ILDR2: variants seen among roughly 807,000 people sequenced by gnomAD.
ILDR2 encodes the protein immunoglobulin-like domain-containing receptor 2.
In ILDR2, 25 loss-of-function variants were observed where a neutral mutation model predicts 66.8. The observed-to-expected ratio is 0.37, with a 90% CI of 0.27 to 0.52. The LOEUF is 0.52. Among genes scored for constraint, ILDR2 ranks in the 20% least tolerant of loss-of-function variants. ILDR2 has a pLI of 0.88. For missense variants in ILDR2, 827 were observed against 876.8 expected (o/e 0.94, Z 0.72); for synonymous variants, 367 against 357.2 (o/e 1.03, Z -0.31).
At chr1:166,958,394 G>T (rs1426734639) in intron 1 of ILDR2, among the ~76,000 whole-genome samples, 3 of 152,048 alleles carry the variant, frequency 2.0e-5, no homozygotes, top group Non-Finnish European at 2.9e-5. Context: ...TCGTGGTAGG[G>T]AGTGAGTTCT....
At chr1:166,904,559 A>G (rs898532945), downstream of ILDR2, among the ~76,000 whole-genome samples, 5 of 152,224 alleles carry the variant, frequency 3.3e-5, no homozygotes, top group Non-Finnish European at 5.9e-5. Flanking sequence ...GGAGATCTGG[A>G]TGCTAGCTCC....
Position 166,909,757 on chromosome 1 carries a change from ATAAATATATATAAATATATATATT to A in ILDR2, c.*9574_*9597del, listed in dbSNP as rs1229660436. ...CATACATATATATATATATATATAT[ATAAATATATATAAATATATATATT>A]TATATATATATATATATATATATAT... is the stretch of plus-strand genomic sequence containing the variant. On this transcript the variant is annotated 3_prime_UTR_variant, in exon 10 of 10. Transcript: ENST00000271417. The A allele has an allele frequency of 5.3e-3, 398 of 75,564 alleles. 2 individuals carry two copies. Among genetic ancestry groups the A allele is most frequent in the African/African-American group, 0.025 (378 of 15,420 alleles). 4.7% of individuals were successfully genotyped at this position (75,564 alleles called of 1,614,324 possible).
downstream of ILDR2, among the ~76,000 whole-genome samples, chr1:166,903,595 C>CA (rs1222216328): frequency 1.3e-5 from 2 of 151,992 alleles, no homozygotes; most frequent in African/African-American, 4.8e-5. Flanking sequence ...TTTCTAAGGA[C>CA]AAAAAAGAGA....
downstream of ILDR2, among the ~76,000 whole-genome samples, chr1:166,905,421 A>C (rs2101814623): frequency 6.6e-6 from 1 of 152,292 alleles, no homozygotes; most frequent in African/African-American, 2.4e-5. Flanking sequence ...TAACATTTAA[A>C]TTTTCTGCCT....
chr1:166,929,495 A>G (rs1660503784), intron 6 of ILDR2, among the ~76,000 whole-genome samples: 1 of 152,204 alleles, frequency 6.6e-6, no homozygotes, highest in African/African-American at 2.4e-5. Flanking sequence ...ATGTGCCTAA[A>G]ACCATGCTTT....
At position 166,909,780 on chromosome 1, in the gene ILDR2, TTTA is replaced by T. The variant is rs1659432822; in HGVS notation, c.*9572_*9574del. 2 of 39,100 alleles carry T rather than the reference TTTA, an allele frequency of 5.1e-5. No individual in the cohort carries two copies. The highest frequency in any genetic ancestry group is 8.9e-4 in the East Asian group (1 of 1,122). 2.4% of individuals were successfully genotyped at this position (39,100 alleles called of 1,614,324 possible). A position where few individuals can be genotyped will look rare whatever the true frequency, so the allele number is the denominator to read the frequency against. ...ATATAAATATATATAAATATATATA[TTTA>T]TATATATATATATATATATATATCC... On this transcript the variant is annotated 3_prime_UTR_variant, in exon 10 of 10. Coordinates refer to ENST00000271417, the MANE Select transcript of ILDR2 (RefSeq NM_199351.3).
intron 4 of ILDR2, among the ~76,000 whole-genome samples, chr1:166,937,619 A>G (rs1661060596): frequency 6.6e-6 from 1 of 152,186 alleles, no homozygotes; most frequent in African/African-American, 2.4e-5. Context: ...TGCCCATCCA[A>G]AAGATTAAGA....
In ILDR2 at chr1:166,963,784, G is replaced by A. The variant is rs983574290; in HGVS notation, c.47-5683C>T. Reference sequence around the variant, plus strand: ...ATAAGTATGTTATCCCCTCCTCCTGGGCAAATATCAGGCCATGTAACTGAA... The same window carrying A: ...ATAAGTATGTTATCCCCTCCTCCTGAGCAAATATCAGGCCATGTAACTGAA... On this transcript the variant is annotated intron_variant, in intron 1 of 9. Transcript: ENST00000271417. 5.3e-5 allele frequency among the ~76,000 whole-genome samples: 8 copies of A among 152,120 alleles called. No individual in the cohort carries two copies. In the South Asian group the frequency reaches 1.7e-3, roughly 32 times the overall value.
intron 6 of ILDR2, 21 bp from the exon 7 acceptor site, chr1:166,927,201 A>G: frequency 6.5e-7 from 1 of 1,550,154 alleles, no homozygotes; most frequent in Non-Finnish European, 8.9e-7. Flanking sequence ...AAGCACAAGA[A>G]GGTGAGCTGA....
At chr1:166,933,049 C>T (rs760377736) in intron 6 of ILDR2, among the ~76,000 whole-genome samples, 1 of 152,224 alleles carries the variant, frequency 6.6e-6, no homozygotes, top group Non-Finnish European at 1.5e-5. Flanking sequence ...CTGGCTCCAC[C>T]AGCCAGACCA....
chr1:166,900,106 T>G (rs1571254609), intron 2 of ILDR2, among the ~76,000 whole-genome samples: 1 of 152,132 alleles, frequency 6.6e-6, no homozygotes, highest in African/African-American at 2.4e-5. Context: ...CAGGTCAGCC[T>G]CCCAGCCTCT....
In ILDR2 at chr1:166,909,584, G is replaced by A. The variant is rs540412950; in HGVS notation, c.*9771C>T. The A allele has an allele frequency of 1.3e-5, 2 of 151,628 alleles. No individual in the cohort carries two copies. The highest frequency in any genetic ancestry group is 3.9e-4 in the East Asian group (2 of 5,142). The allele number at this position is 151,628 out of a possible 1,614,324, so 9.4% of individuals were successfully genotyped here. A position where few individuals can be genotyped will look rare whatever the true frequency, so the allele number is the denominator to read the frequency against. ...GGCCTGAGGGAATGAGAAAAGCTAG[G>A]TGCCTAAGTCATACCAGCAACAAAA... On this transcript the variant is annotated 3_prime_UTR_variant, in exon 10 of 10. Transcript: ENST00000271417.
intron 7 of ILDR2, among the ~76,000 whole-genome samples, chr1:166,923,102 A>G (rs553542341): frequency 6.6e-6 from 1 of 152,312 alleles, no homozygotes; most frequent in Admixed American, 6.5e-5. Flanking sequence ...AGAACTCAGG[A>G]TCTCTGTTGC....
chr1:166,938,538 T>G (rs923180465), intron 4 of ILDR2, among the ~76,000 whole-genome samples: 6 of 152,336 alleles, frequency 3.9e-5, no homozygotes, highest in Middle Eastern at 3.4e-3. Flanking sequence ...ATTTGTGTCC[T>G]TGGGAGCAAC....
rs1663353752 is a variant in ILDR2, at chr1:166,972,322, T to C, written c.46+2901A>G. ...ACACATCGCTTGCTCCAGGAGTGTG[T>C]TCCCAGAGTGTCGACACAGCTCCAG... is the stretch of plus-strand genomic sequence containing the variant. On this transcript the variant is annotated intron_variant, in intron 1 of 9. Transcript: ENST00000271417. Among the ~76,000 whole-genome samples, 2 of 152,336 alleles carry C rather than the reference T, an allele frequency of 1.3e-5. 1 individual carries two copies. The highest frequency in any genetic ancestry group is 6.8e-3 in the Middle Eastern group (2 of 294).
At position 166,908,515 on chromosome 1, in the gene ILDR2, G is replaced by A. The variant is rs1436764718; in HGVS notation, c.*10840C>T. 6.6e-6 allele frequency: 1 copy of A among 152,198 alleles called. No homozygotes were observed. Among genetic ancestry groups the A allele is most frequent in the African/African-American group, 2.4e-5 (1 of 41,436 alleles). The allele number at this position is 152,198 out of a possible 1,614,324, so 9.4% of individuals were successfully genotyped here. On this transcript the variant is annotated 3_prime_UTR_variant, in exon 10 of 10. Coordinates refer to ENST00000271417, the MANE Select transcript of ILDR2 (RefSeq NM_199351.3). ...ACACTCAGTCCATAGCAACAGAGAAGCAAAATGTCCCCTGTTCTATGGAAC... is the reference window on the plus strand; with the variant it reads ...ACACTCAGTCCATAGCAACAGAGAAACAAAATGTCCCCTGTTCTATGGAAC...
At chr1:166,927,527 T>TA (rs1009739116) in intron 6 of ILDR2, among the ~76,000 whole-genome samples, 5 of 152,154 alleles carry the variant, frequency 3.3e-5, no homozygotes, top group African/African-American at 1.2e-4. Context: ...ATATTCACAC[T>TA]AAAAAAAGAC....
chr1:166,943,732 C>T, intron 3 of ILDR2: 1 of 700,258 alleles, frequency 1.4e-6, no homozygotes, highest in South Asian at 6.5e-5. Context: ...AGAGTCTAAA[C>T]AATTGCAGTA....
In ILDR2 at chr1:166,908,731, ATTTC is replaced by A. The variant is rs1557920764; in HGVS notation, c.*10620_*10623del. On this transcript the variant is annotated 3_prime_UTR_variant, in exon 10 of 10. Transcript: ENST00000271417. The stretch of plus-strand genomic sequence containing the variant: ...AATGAAGGCAGTGACACAGAGATGG[ATTTC>A]TAAATTCAGAACGAGACAAGTATAA... The A allele has an allele frequency of 1.3e-5, 2 of 152,266 alleles. No individual in the cohort carries two copies. The highest frequency in any genetic ancestry group is 4.8e-5 in the African/African-American group (2 of 41,448). 9.4% of individuals were successfully genotyped at this position (152,266 alleles called of 1,614,324 possible). A position where few individuals can be genotyped will look rare whatever the true frequency, so the allele number is the denominator to read the frequency against.
Sources: gnomAD v4.1 joint callset for allele counts (sites outside exome capture counted in the v4.1 genomes callset) on GRCh38, gnomAD v4.1.1 for gene constraint, MANE v1.5 for transcripts, NCBI Gene and HGNC (gene_info 2026-07-23, HGNC 2026-07-21) for gene names.